Variants in LARP4B observed in about 807,000 individuals in gnomAD.
The protein encoded by LARP4B is la-related protein 4B.
A neutral mutation model predicts 89.8 loss-of-function variants in LARP4B; 12 were observed. The observed-to-expected ratio is 0.13, with a 90% CI of 0.09 to 0.22. The LOEUF (loss-of-function observed/expected upper bound fraction) is 0.22, where lower values mean the gene tolerates loss of function less well. Ranked by LOEUF, LARP4B falls within the 10% of genes least tolerant of loss-of-function variation. LARP4B has a pLI of 1.00. For synonymous variants in LARP4B, 367 were observed against 363.3 expected, an observed-to-expected ratio of 1.01 and a Z score of -0.12; for missense variants, 757 against 947.7, an observed-to-expected ratio of 0.80 and a Z score of 2.64.
intron 1 of LARP4B, among the ~76,000 whole-genome samples, chr10:894,914 G>C (rs7073201): frequency 0.01 from 1,587 of 152,342 alleles, 35 homozygotes; most frequent in African/African-American, 0.036. Flanking sequence ...GCCAGGCACG[G>C]TGGCTCACAT....
At chr10:949,713 T>A in the LARP4B span, among the ~76,000 whole-genome samples, 2 of 152,320 alleles carry the variant, frequency 1.3e-5, no homozygotes, top group African/African-American at 4.8e-5. Flanking sequence ...GGTGTCATTC[T>A]CTCGGACATC....
At chr10:914,059 C>T (rs1234980930) in intron 1 of LARP4B, among the ~76,000 whole-genome samples, 1 of 152,164 alleles carries the variant, frequency 6.6e-6, no homozygotes, top group Admixed American at 6.5e-5. Context: ...ATATCTATCT[C>T]ATTTATAGGG....
At chr10:900,420 CTTTTT>C (rs529963345) in intron 1 of LARP4B, among the ~76,000 whole-genome samples, 151 of 45,178 alleles carry the variant, frequency 3.3e-3, no homozygotes, top group Non-Finnish European at 4.4e-3. Flanking sequence ...AGAAGGATGT[CTTTTT>C]TTTTTTTTTT....
At chr10:866,291 C>T (rs1374827953) in intron 3 of LARP4B, among the ~76,000 whole-genome samples, 1 of 152,220 alleles carries the variant, frequency 6.6e-6, no homozygotes, top group African/African-American at 2.4e-5. Flanking sequence ...CTTCAATTTT[C>T]CTTCTTGCAT....
chr10:863,226 A>AT (rs774627981), intron 5 of LARP4B, among the ~76,000 whole-genome samples: 18,810 of 109,100 alleles, frequency 0.17, 1,399 homozygotes, highest in Non-Finnish European at 0.23. Flanking sequence ...AATAGGTTTC[A>AT]TTTTTTTTTT....
intron 1 of LARP4B, among the ~76,000 whole-genome samples, chr10:890,795 C>G (rs545172163): frequency 3.9e-4 from 60 of 152,130 alleles, no homozygotes; most frequent in African/African-American, 1.4e-3. Flanking sequence ...AAGTAACACA[C>G]GAGGGGAGTA....
intron 3 of LARP4B, among the ~76,000 whole-genome samples, chr10:869,408 CAG>C (rs1835080752): frequency 6.6e-6 from 1 of 152,148 alleles, no homozygotes; most frequent in South Asian, 2.1e-4. Context: ...AAAGTCAACA[CAG>C]AGCTCAGGGC....
intron 1 of LARP4B, among the ~76,000 whole-genome samples, chr10:893,970 T>A (rs1836114731): frequency 6.6e-6 from 1 of 152,206 alleles, no homozygotes; most frequent in South Asian, 2.1e-4. Context: ...GAACTGCATT[T>A]CTGAATAACC....
intron 3 of LARP4B, among the ~76,000 whole-genome samples, chr10:867,261 C>T (rs750344721): frequency 4.6e-5 from 7 of 152,150 alleles, no homozygotes; most frequent in Non-Finnish European, 7.3e-5. Flanking sequence ...ACGTGCTGAG[C>T]ACATTCTACG....
At chr10:888,803 A>T (rs966628779) in intron 1 of LARP4B, among the ~76,000 whole-genome samples, 2 of 152,244 alleles carry the variant, frequency 1.3e-5, no homozygotes, top group Non-Finnish European at 1.5e-5. Context: ...TAAGAATATT[A>T]CGGCAGGGCG....
At chr10:877,868 G>A (rs770432138) in intron 3 of LARP4B, among the ~76,000 whole-genome samples, 2 of 152,208 alleles carry the variant, frequency 1.3e-5, no homozygotes, top group Non-Finnish European at 2.9e-5. Context: ...CTAGTCCAGG[G>A]AGACAAACAC....
intron 3 of LARP4B, among the ~76,000 whole-genome samples, chr10:883,496 G>C (rs986219710): frequency 1.3e-5 from 2 of 151,576 alleles, no homozygotes; most frequent in African/African-American, 4.8e-5. Flanking sequence ...GGCAACAAGA[G>C]GGAAACTCTG....
At chr10:939,215 G>T in the LARP4B span, among the ~76,000 whole-genome samples, 1 of 152,236 alleles carries the variant, frequency 6.6e-6, no homozygotes, top group African/African-American at 2.4e-5. Flanking sequence ...CAGTGGAGTT[G>T]AATGAAGGAG....
intron 1 of LARP4B, among the ~76,000 whole-genome samples, chr10:889,473 G>T (rs767252761): frequency 6.6e-6 from 1 of 152,166 alleles, no homozygotes; most frequent in Admixed American, 6.5e-5. Flanking sequence ...TGGAATACCC[G>T]TAAGAAAACA....
At chr10:876,129 T>C (rs777660718) in intron 3 of LARP4B, among the ~76,000 whole-genome samples, 11 of 152,166 alleles carry the variant, frequency 7.2e-5, no homozygotes, top group Non-Finnish European at 1.6e-4. Flanking sequence ...CTCACGCCTG[T>C]AATCCCAACA....
At position 814,694 on chromosome 10, in the gene LARP4B, C is replaced by G. The variant is rs1188585133; in HGVS notation, c.1929+48G>C. The G allele has an allele frequency of 6.4e-7, 1 of 1,558,258 alleles. No individual in the cohort carries two copies. On this transcript the variant is annotated intron_variant, in intron 17 of 17. Coordinates refer to ENST00000316157, the MANE Select transcript of LARP4B (RefSeq NM_015155.3). The surrounding 1 kb of genome is among the most constrained non-coding windows in gnomAD (Gnocchi z 4.4). ...CAGGAGTGCGCAGCGTCTGTTCACA[C>G]CAGAGCCTCGCGGCTGTCGTGCAGG...
At chr10:831,310 A>G (rs1438651321) in intron 8 of LARP4B, among the ~76,000 whole-genome samples, 1 of 149,604 alleles carries the variant, frequency 6.7e-6, no homozygotes, top group Non-Finnish European at 1.5e-5. Flanking sequence ...AGGCAATTTA[A>G]GAAAAAAAAT....
At chr10:922,410 G>C (rs1201727205) in intron 1 of LARP4B, among the ~76,000 whole-genome samples, 1 of 152,174 alleles carries the variant, frequency 6.6e-6, no homozygotes, top group Admixed American at 6.5e-5. Flanking sequence ...TAGCAATTTA[G>C]CCTGGTAACA....
chr10:978,641 A>C, the LARP4B span, among the ~76,000 whole-genome samples: 1 of 152,204 alleles, frequency 6.6e-6, no homozygotes, highest in South Asian at 2.1e-4. Context: ...CCTAGTTCTG[A>C]AAGTAGGACC....
Sources: allele counts gnomAD v4.1 joint callset (sites outside exome capture counted in the v4.1 genomes callset), GRCh38; gene constraint gnomAD v4.1.1; non-coding constraint Gnocchi (gnomAD v3.1); transcripts MANE v1.5; gene names NCBI Gene and HGNC (gene_info 2026-07-23, HGNC 2026-07-21).